The following PKP4 variants were observed in gnomAD, a reference collection of about 807,000 sequenced individuals.
The protein encoded by PKP4 is plakophilin-4.
Under a neutral mutation model 145.1 loss-of-function variants are expected in PKP4, and 90 were observed. The ratio of observed to expected loss-of-function variants is 0.62; its 90% CI spans 0.52 to 0.74. The LOEUF is 0.74. Among genes scored for constraint, PKP4 ranks in the 30% least tolerant of loss-of-function variants. PKP4 has a pLI of 0.00. For synonymous variants in PKP4, 563 were observed against 577.2 expected, an observed-to-expected ratio of 0.98 and a Z score of 0.35; for missense variants, 1,340 against 1,482.7, an observed-to-expected ratio of 0.90 and a Z score of 1.58.
chr2:158,543,577 A>G (rs531100477), intron 2 of PKP4, among the ~76,000 whole-genome samples: 1 of 152,354 alleles, frequency 6.6e-6, no homozygotes, highest in South Asian at 2.1e-4. Context: ...CTGGTTAATA[A>G]GTCAGAAAAT....
intron 3 of PKP4, among the ~76,000 whole-genome samples, chr2:158,601,606 A>G (rs1444190928): frequency 1.3e-5 from 2 of 152,188 alleles, no homozygotes; most frequent in African/African-American, 2.4e-5. Flanking sequence ...GAAATCAGCT[A>G]AGAGTGTTTC....
rs78541623 is a variant in PKP4 at position 158,494,816 on chromosome 2, G to C, written c.-6+37598G>C. On this transcript the variant is annotated intron_variant, in intron 1 of 21. Coordinates refer to ENST00000389759, the MANE Select transcript of PKP4 (RefSeq NM_003628.6). The stretch of plus-strand genomic sequence containing the variant: ...TGTCCTAATCAGTGAAGTGAGAATC[G>C]TGCCTACCTCTAGAGGTTTTGCAAA... Among the ~76,000 whole-genome samples the C allele has an allele frequency of 5.8e-3, 878 of 152,046 alleles. 12 individuals are homozygous for C. Among genetic ancestry groups the C allele is most frequent in the African/African-American group, 0.02 (838 of 41,492 alleles).
chr2:158,570,339 A>T (rs1407497926), intron 2 of PKP4, among the ~76,000 whole-genome samples: 1 of 152,210 alleles, frequency 6.6e-6, no homozygotes, highest in African/African-American at 2.4e-5. Flanking sequence ...TATGATCATG[A>T]CCATAATTGA....
At position 158,467,776 on chromosome 2, in the gene PKP4, G is replaced by A. The variant is rs978244989; in HGVS notation, c.-6+10558G>A. ...GTAGAAGGATTGCTTGAGCCCAGGA[G>A]GTTGAGGCTACAGTGAGTTATGATA... On this transcript the variant is annotated intron_variant, in intron 1 of 21. Transcript: ENST00000389759. Among the ~76,000 whole-genome samples, 4 of 152,148 alleles carry A rather than the reference G, an allele frequency of 2.6e-5. 1 individual carries two copies. Among genetic ancestry groups the A allele is most frequent in the African/African-American group, 9.7e-5 (4 of 41,416 alleles).
At chr2:158,610,079 T>C (rs2050998128) in intron 4 of PKP4, among the ~76,000 whole-genome samples, 1 of 152,256 alleles carries the variant, frequency 6.6e-6, no homozygotes, top group African/African-American at 2.4e-5. Context: ...TTCATTATTC[T>C]GTACCCTCTA....
intron 1 of PKP4, among the ~76,000 whole-genome samples, chr2:158,520,651 C>T (rs922028066): frequency 7.2e-5 from 11 of 152,184 alleles, no homozygotes; most frequent in Non-Finnish European, 1.3e-4. Context: ...ATGTAAGTGC[C>T]GCCCATGTCG....
chr2:158,477,024 C>G (rs988514118), intron 1 of PKP4, among the ~76,000 whole-genome samples: 3 of 151,946 alleles, frequency 2.0e-5, no homozygotes, highest in Non-Finnish European at 2.9e-5. Flanking sequence ...TAATAGAATT[C>G]TTTGTAAATG....
intron 11 of PKP4, among the ~76,000 whole-genome samples, chr2:158,655,503 G>C (rs2055823671): frequency 6.6e-6 from 1 of 152,108 alleles, no homozygotes; most frequent in African/African-American, 2.4e-5. Context: ...TCTTAGTCAT[G>C]TTTTCACCTG....
chr2:158,661,419 C>A lies in PKP4; in HGVS notation c.2180C>A (p.Thr727Lys), dbSNP rs11539803. The change falls in exon 13 of 22, where the codon ACG becomes AAG. Residue 727 changes from threonine to lysine, a missense_variant. Thr to Lys is a moderately conservative substitution (Grantham distance 78). Coordinates refer to ENST00000389759, the MANE Select transcript of PKP4 (RefSeq NM_003628.6). The part of the protein sequence containing the change: ...LVDSLLYVIH[T>K]CVNTSDYDSK... Reference sequence around the variant, plus strand: ...GACTCACTGTTGTATGTGATCCACACGTGTGTGAACACATCCGATTACGAC... The same window carrying A: ...GACTCACTGTTGTATGTGATCCACAAGTGTGTGAACACATCCGATTACGAC... 1.9e-6 allele frequency: 3 copies of A among 1,612,870 alleles called. No homozygotes were observed. In the South Asian group the frequency reaches 3.3e-5, roughly 18 times the overall value.
chr2:158,575,080 A>T (rs2105777488), intron 2 of PKP4, among the ~76,000 whole-genome samples: 1 of 152,330 alleles, frequency 6.6e-6, no homozygotes, highest in South Asian at 2.1e-4. Context: ...GGAGAACAAG[A>T]CTTGAGACTA....
chr2:158,603,023 A>G, intron 3 of PKP4, 47 bp from the exon 4 acceptor site: 1 of 1,224,122 alleles, frequency 8.2e-7, no homozygotes, highest in Non-Finnish European at 1.2e-6. Flanking sequence ...GCTAAATTTT[A>G]TGACAAAATA....
chr2:158,652,781 A>G (rs1381871746), intron 11 of PKP4, among the ~76,000 whole-genome samples: 1 of 152,174 alleles, frequency 6.6e-6, no homozygotes, highest in East Asian at 1.9e-4. Flanking sequence ...CAGAGCTTCA[A>G]CGGGAATGCA....
chr2:158,651,098 T>G (rs1364267960), intron 11 of PKP4, among the ~76,000 whole-genome samples: 1 of 152,200 alleles, frequency 6.6e-6, no homozygotes, highest in East Asian at 1.9e-4. Flanking sequence ...AGGATAGTAG[T>G]TTTATCCCTG....
At chr2:158,651,904 C>T (rs1411875776) in intron 11 of PKP4, among the ~76,000 whole-genome samples, 1 of 152,056 alleles carries the variant, frequency 6.6e-6, no homozygotes, top group Non-Finnish European at 1.5e-5. Flanking sequence ...ATACCTGTTG[C>T]TCTTCCTGCC....
At chr2:158,634,673 A>G (rs2053660190) in intron 9 of PKP4, among the ~76,000 whole-genome samples, 1 of 152,342 alleles carries the variant, frequency 6.6e-6, no homozygotes, top group African/African-American at 2.4e-5. Flanking sequence ...GCTTCAAAAA[A>G]TGGATTTGGT....
At chr2:158,489,937 C>A (rs1364587347) in intron 1 of PKP4, among the ~76,000 whole-genome samples, 1 of 152,120 alleles carries the variant, frequency 6.6e-6, no homozygotes, top group Non-Finnish European at 1.5e-5. Flanking sequence ...TACTTCACCC[C>A]CTTCCCCCGT....
At position 158,584,729 on chromosome 2, in the gene PKP4, A is replaced by G. The variant is rs374888430; in HGVS notation, c.245+7346A>G. Reference sequence around the variant, plus strand: ...TAGAATTGAAGATTTCATAAATGAAATATGATCATCTTAGAATTCTAGAAA... The same window carrying G: ...TAGAATTGAAGATTTCATAAATGAAGTATGATCATCTTAGAATTCTAGAAA... On this transcript the variant is annotated intron_variant, in intron 3 of 21. Coordinates refer to ENST00000389759, the MANE Select transcript of PKP4 (RefSeq NM_003628.6). Among the ~76,000 whole-genome samples, 19 of 152,358 alleles carry G rather than the reference A, an allele frequency of 1.2e-4. 2 individuals are homozygous for G. The highest frequency in any genetic ancestry group is 1.2e-3 in the South Asian group (6 of 4,830).
At chr2:158,560,024 G>A (rs913811113) in intron 2 of PKP4, among the ~76,000 whole-genome samples, 9 of 152,024 alleles carry the variant, frequency 5.9e-5, no homozygotes, top group Admixed American at 6.6e-5. Context: ...GCACCACCAC[G>A]CCTGGCTAAT....
At chr2:158,481,313 T>A (rs752225204) in intron 1 of PKP4, among the ~76,000 whole-genome samples, 5 of 152,216 alleles carry the variant, frequency 3.3e-5, no homozygotes, top group Admixed American at 1.3e-4. Flanking sequence ...TTGGATTGTT[T>A]CCATGTTTTT....
Sources: gnomAD v4.1 joint callset for allele counts (sites outside exome capture counted in the v4.1 genomes callset) on GRCh38, gnomAD v4.1.1 for gene constraint, MANE v1.5 for transcripts, NCBI Gene and HGNC (gene_info 2026-07-23, HGNC 2026-07-21) for gene names.